Variants in TANC2 observed in about 807,000 individuals in gnomAD.
TANC2 encodes the protein protein TANC2.
TANC2 carries 26 observed loss-of-function variants against 210.5 expected under a neutral mutation model. The observed-to-expected ratio is 0.12, with a 90% CI of 0.09 to 0.17. The LOEUF is 0.17. Among genes scored for constraint, TANC2 ranks in the 10% least tolerant of loss-of-function variants. The pLI, the probability that TANC2 is intolerant of heterozygous loss-of-function variation, is 1.00. For synonymous variants in TANC2, 931 were observed against 967.1 expected (o/e 0.96, Z 0.69); for missense variants, 2,129 against 2,608.9 (o/e 0.82, Z 4.01).
chr17:63,199,145 A>G (rs1266210288), intron 6 of TANC2, among the ~76,000 whole-genome samples: 1 of 152,200 alleles, frequency 6.6e-6, no homozygotes, highest in Non-Finnish European at 1.5e-5. Context: ...GAGCCTTAAT[A>G]TTCTCATAGC....
Position 63,127,572 on chromosome 17 carries a change from C to A in TANC2, c.323-23698C>A, listed in dbSNP as rs188740964. ...AAATGTGACAAAGTAGAAATGATTT[C>A]TTTATGAAAATCTATTCATGCTTTA... On this transcript the variant is annotated intron_variant, in intron 4 of 27. Coordinates refer to ENST00000689528, the Ensembl canonical transcript of TANC2. 5.9e-5 allele frequency among the ~76,000 whole-genome samples: 9 copies of A among 152,278 alleles called. No individual in the cohort carries two copies. The South Asian group carries it at 1.0e-3, about 18-fold the overall frequency.
At chr17:63,326,055 A>C (rs2045634640) in intron 11 of TANC2, among the ~76,000 whole-genome samples, 1 of 152,240 alleles carries the variant, frequency 6.6e-6, no homozygotes. Flanking sequence ...AGCTGTTTAG[A>C]TCTAGAATTA....
At chr17:63,170,613 T>A (rs2040372152) in intron 5 of TANC2, among the ~76,000 whole-genome samples, 1 of 152,142 alleles carries the variant, frequency 6.6e-6, no homozygotes, top group South Asian at 2.1e-4. Flanking sequence ...TTTTTTTATT[T>A]TGTGCTCACA....
chr17:63,305,486 G>C (rs1444756668), intron 9 of TANC2: 1 of 152,286 alleles, frequency 6.6e-6, no homozygotes, highest in African/African-American at 2.4e-5. Flanking sequence ...GGGAGCCTCT[G>C]ATCGCGTCTG....
chr17:63,282,671 C>G (rs1228138071), intron 9 of TANC2, among the ~76,000 whole-genome samples: 1 of 152,022 alleles, frequency 6.6e-6, no homozygotes, highest in Non-Finnish European at 1.5e-5. Context: ...AGTTTCAGTT[C>G]CTCCCCATTC....
chr17:63,239,388 C>T (rs1021038879), intron 8 of TANC2, among the ~76,000 whole-genome samples: 1 of 152,184 alleles, frequency 6.6e-6, no homozygotes. Context: ...ATGTTTGCTT[C>T]TCTTACTTTC....
intron 8 of TANC2, among the ~76,000 whole-genome samples, chr17:63,266,088 G>A (rs963007360): frequency 5.3e-5 from 8 of 152,116 alleles, no homozygotes; most frequent in African/African-American, 1.9e-4. Flanking sequence ...TCAAGAGATA[G>A]TGACATGTTC....
chr17:63,096,639 C>T (rs1185942686), intron 3 of TANC2, among the ~76,000 whole-genome samples: 1 of 152,050 alleles, frequency 6.6e-6, no homozygotes, highest in East Asian at 1.9e-4. Context: ...TTTGTTTATC[C>T]GTTCACCAGT....
chr17:63,032,616 G>A (rs915298928), intron 2 of TANC2, among the ~76,000 whole-genome samples: 1 of 151,908 alleles, frequency 6.6e-6, no homozygotes, highest in African/African-American at 2.4e-5. Context: ...TGAAGGAAGA[G>A]CCTTAGTCTT....
At chr17:63,024,734 C>T (rs1437105904) in intron 2 of TANC2, among the ~76,000 whole-genome samples, 1 of 152,128 alleles carries the variant, frequency 6.6e-6, no homozygotes, top group East Asian at 1.9e-4. Flanking sequence ...ATGTGAGAGA[C>T]TTTATAGGTG....
chr17:63,321,845 G>A (rs991608852), intron 11 of TANC2, among the ~76,000 whole-genome samples: 3 of 152,072 alleles, frequency 2.0e-5, no homozygotes, highest in African/African-American at 7.2e-5. Flanking sequence ...GGCTGGGCAG[G>A]GCAGGGATGG....
At chr17:63,018,586 C>G (rs531888518) in intron 2 of TANC2, among the ~76,000 whole-genome samples, 1 of 152,128 alleles carries the variant, frequency 6.6e-6, no homozygotes, top group African/African-American at 2.4e-5. Flanking sequence ...GTGGTAATCT[C>G]TTACAAAACT....
At chr17:63,221,186 T>G (rs1057305834) in intron 7 of TANC2, among the ~76,000 whole-genome samples, 1 of 151,968 alleles carries the variant, frequency 6.6e-6, no homozygotes, top group Non-Finnish European at 1.5e-5. Context: ...GCCTGTAATC[T>G]TGGCACTTTG....
At chr17:63,094,235 T>C (rs1288268588) in intron 3 of TANC2, among the ~76,000 whole-genome samples, 1 of 152,104 alleles carries the variant, frequency 6.6e-6, no homozygotes. Context: ...GTTGTTAAAC[T>C]TCTCGGGGCC....
At chr17:63,040,232 G>A (rs1004167409) in intron 2 of TANC2, among the ~76,000 whole-genome samples, 3 of 152,076 alleles carry the variant, frequency 2.0e-5, no homozygotes, top group Non-Finnish European at 4.4e-5. Context: ...TTGTAAGAAC[G>A]GCCATGTTGT....
At position 63,406,138 on chromosome 17, in the gene TANC2, T is replaced by G; in HGVS notation, c.3466-16T>G. ...CTTCTTTGGGCTAATTGGTCCCTGT[T>G]TCTCTGCACTTGCAGATTGTTGATC... On this transcript the variant is annotated splice_polypyrimidine_tract_variant and intron_variant, in intron 20 of 27. Transcript: ENST00000689528. 6.2e-7 allele frequency: 1 copy of G among 1,613,616 alleles called. No homozygotes were observed. The highest frequency in any genetic ancestry group is 8.5e-7 in the Non-Finnish European group (1 of 1,179,630).
intron 2 of TANC2, among the ~76,000 whole-genome samples, chr17:63,012,470 G>T (rs2033916335): frequency 6.6e-6 from 1 of 151,808 alleles, no homozygotes; most frequent in South Asian, 2.1e-4. Flanking sequence ...CCTCTTCTTG[G>T]ACAATGCAAG....
intron 11 of TANC2, among the ~76,000 whole-genome samples, chr17:63,320,698 T>C (rs2045467978): frequency 6.6e-6 from 1 of 152,226 alleles, no homozygotes; most frequent in Admixed American, 6.5e-5. Flanking sequence ...TTATTCCTAA[T>C]CCTTTATATA....
At chr17:63,411,455 C>T (rs760329503) in intron 21 of TANC2, 56 bp from the exon 22 acceptor site, 3 of 1,531,024 alleles carry the variant, frequency 2.0e-6, no homozygotes, top group South Asian at 1.3e-5. Flanking sequence ...CGTACTTCCC[C>T]TCCTGCTGTG....
Sources: allele counts gnomAD v4.1 joint callset (sites outside exome capture counted in the v4.1 genomes callset), GRCh38; gene constraint gnomAD v4.1.1; transcripts MANE v1.5; gene names NCBI Gene and HGNC (gene_info 2026-07-23, HGNC 2026-07-21).